The following HIRA variants were observed in gnomAD, a reference collection of about 807,000 sequenced individuals.
HIRA encodes the protein histone cell cycle regulator, also known as protein HIRA.
HIRA carries 13 observed loss-of-function variants against 126.6 expected under a neutral mutation model. That is an observed-to-expected ratio of 0.10 (90% CI 0.07 to 0.16). HIRA has a LOEUF of 0.16. Among genes scored for constraint, HIRA ranks in the 10% least tolerant of loss-of-function variants. HIRA has a pLI of 1.00. For missense variants in HIRA, 834 were observed against 1,314.4 expected (o/e 0.63, Z 5.65); for synonymous variants, 511 against 520.0 (o/e 0.98, Z 0.24).
At chr22:19,395,827 T>C (rs1476969124) in intron 7 of HIRA, among the ~76,000 whole-genome samples, 2 of 152,200 alleles carry the variant, frequency 1.3e-5, no homozygotes, top group Non-Finnish European at 2.9e-5. Flanking sequence ...TATTTCCCTG[T>C]GCCCAGTTAT....
intron 24 of HIRA, among the ~76,000 whole-genome samples, chr22:19,332,821 A>T (rs2088507558): frequency 6.6e-6 from 1 of 151,752 alleles, no homozygotes; most frequent in Admixed American, 6.6e-5. Flanking sequence ...AGAAAAAAAC[A>T]TTTTTTTTAA....
intron 9 of HIRA, among the ~76,000 whole-genome samples, chr22:19,390,438 C>G (rs1490454323): frequency 2.0e-5 from 3 of 151,186 alleles, no homozygotes; most frequent in East Asian, 1.9e-4. Flanking sequence ...ACTAAAATTA[C>G]AAAAAAATTA....
intron 13 of HIRA, among the ~76,000 whole-genome samples, chr22:19,380,888 T>G (rs1436303586): frequency 1.3e-5 from 2 of 152,214 alleles, no homozygotes; most frequent in African/African-American, 4.8e-5. Flanking sequence ...CCTCCCAAAG[T>G]GCTGAGATTA....
chr22:19,422,203 T>C (rs1286689648), intron 1 of HIRA, among the ~76,000 whole-genome samples: 136 of 55,908 alleles, frequency 2.4e-3, no homozygotes, highest in South Asian at 0.015. Context: ...CATACACATA[T>C]ATATATATAC....
chr22:19,375,676 G>A lies in HIRA; in HGVS notation c.1730C>T (p.Pro577Leu). Residue 577 changes from proline to leucine, a missense_variant, in exon 15 of 25, where the codon CCA (proline) becomes CTA (leucine). By Grantham distance (98) the Pro-to-Leu change is moderately conservative (BLOSUM62 -3). This residue lies in a region of HIRA where 468 missense variants were observed against 574.2 expected (regional missense o/e 0.82). Transcript: ENST00000263208. ...SRFTERSKAT[P>L]GAPALTSMTP... Reference sequence around the variant, plus strand: ...CATGCTGGTCAGGGCAGGAGCACCTGGTGTGGCTTTGGACCGCTCTGTGAA... The same window carrying A: ...CATGCTGGTCAGGGCAGGAGCACCTAGTGTGGCTTTGGACCGCTCTGTGAA... 3 of 1,614,182 alleles carry A rather than the reference G, an allele frequency of 1.9e-6. No homozygotes were observed. Among genetic ancestry groups the A allele is most frequent in the Non-Finnish European group, 8.5e-7 (1 of 1,180,038 alleles).
intron 17 of HIRA, 43 bp downstream of exon 17, chr22:19,361,194 C>T: frequency 7.1e-7 from 1 of 1,411,544 alleles, no homozygotes; most frequent in South Asian, 1.2e-5. Context: ...CAGAGAATGT[C>T]TGGGTGTGCC....
At position 19,351,155 on chromosome 22, in the gene HIRA, G is replaced by A; in HGVS notation, c.2937+203C>T. 1.0e-6 allele frequency: 1 copy of A among 985,370 alleles called. No homozygotes were observed. Among genetic ancestry groups the A allele is most frequent in the Non-Finnish European group, 1.2e-6 (1 of 829,896 alleles). The allele number at this position is 985,370 out of a possible 1,614,324, so 61.0% of individuals were successfully genotyped here. Reference sequence around the variant, plus strand: ...ACAGGCACGTGGCGGAGCACTCCGTGGCTCCTGATGTCCAGGGCCCAGCTC... The same window carrying A: ...ACAGGCACGTGGCGGAGCACTCCGTAGCTCCTGATGTCCAGGGCCCAGCTC... On this transcript the variant is annotated intron_variant, in intron 24 of 24. Transcript: ENST00000263208. The surrounding 1 kb of genome is among the most constrained non-coding windows in gnomAD (Gnocchi z 4.8).
At chr22:19,370,269 G>C (rs2088953099) in intron 15 of HIRA, among the ~76,000 whole-genome samples, 1 of 151,878 alleles carries the variant, frequency 6.6e-6, no homozygotes, top group South Asian at 2.1e-4. Context: ...CTTGTTTTGA[G>C]ACAGGGTCTC....
At chr22:19,422,357 T>C (rs1266618593) in intron 1 of HIRA, among the ~76,000 whole-genome samples, 4 of 152,038 alleles carry the variant, frequency 2.6e-5, no homozygotes, top group Non-Finnish European at 5.9e-5. Flanking sequence ...CATCTCTTGC[T>C]TGGATTACTA....
chr22:19,355,856 A>G lies in HIRA; in HGVS notation c.2465T>C (p.Met822Thr), dbSNP rs1556012362. The G allele has an allele frequency of 6.2e-7, 1 of 1,611,014 alleles. No individual in the cohort carries two copies. Among genetic ancestry groups the G allele is most frequent in the Admixed American group, 1.7e-5 (1 of 59,990 alleles). The change falls in exon 21 of 25, where the codon ATG becomes ACG. Residue 822 changes from methionine (M) to threonine (T), a missense_variant. Met to Thr is a moderately conservative substitution (Grantham distance 81). Coordinates refer to ENST00000263208, the MANE Select transcript of HIRA (RefSeq NM_003325.4). ...SLHSILAGSDMTVSQILLTQH... is the reference protein window; with the variant it reads ...SLHSILAGSDTTVSQILLTQH... ...CGTCAGCAAGATCTGTGATACCGTC[A>G]TATCACTTCCTGAGGACAGCATGGG...
intron 1 of HIRA, among the ~76,000 whole-genome samples, chr22:19,431,087 C>T (rs2089533184): frequency 6.6e-6 from 1 of 152,212 alleles, no homozygotes; most frequent in Non-Finnish European, 1.5e-5. Flanking sequence ...ACCTTCAGGA[C>T]CGTCTGAGCA....
At chr22:19,364,123 A>C (rs1400146349) in intron 15 of HIRA, among the ~76,000 whole-genome samples, 1 of 151,892 alleles carries the variant, frequency 6.6e-6, no homozygotes, top group Non-Finnish European at 1.5e-5. Context: ...TGTTCAATTT[A>C]GCTGTGAACC....
At chr22:19,332,804 G>A (rs2088507052) in intron 24 of HIRA, among the ~76,000 whole-genome samples, 3 of 149,476 alleles carry the variant, frequency 2.0e-5, no homozygotes, top group East Asian at 2.0e-4. Context: ...AAGAAAAAAA[G>A]GACATGAGAA....
intron 1 of HIRA, 27 bp from the exon 2 acceptor site, chr22:19,410,805 T>C: frequency 1.3e-6 from 2 of 1,590,908 alleles, no homozygotes; most frequent in Non-Finnish European, 1.7e-6. Context: ...AAAAATACAG[T>C]ATCTAAATTG....
chr22:19,424,965 A>C (rs771925287), intron 1 of HIRA, among the ~76,000 whole-genome samples: 5 of 152,130 alleles, frequency 3.3e-5, no homozygotes, highest in Non-Finnish European at 7.4e-5. Context: ...AGACCTAGTA[A>C]AGTCCAGCAG....
intron 5 of HIRA, among the ~76,000 whole-genome samples, chr22:19,400,134 T>G (rs1228425667): frequency 6.6e-6 from 1 of 152,242 alleles, no homozygotes. Flanking sequence ...CTCTACTTTT[T>G]TATACTGTAG....
chr22:19,411,189 G>A (rs573646243), intron 1 of HIRA, among the ~76,000 whole-genome samples: 14 of 152,352 alleles, frequency 9.2e-5, no homozygotes, highest in Admixed American at 7.8e-4. Context: ...CAACCAAGGA[G>A]CATTGCTTCG....
chr22:19,413,276 G>C (rs1258044116), intron 1 of HIRA, among the ~76,000 whole-genome samples: 2 of 152,158 alleles, frequency 1.3e-5, no homozygotes, highest in Non-Finnish European at 2.9e-5. Context: ...GGGCCTCAAG[G>C]CTCCAGGGGA....
intron 11 of HIRA, among the ~76,000 whole-genome samples, chr22:19,386,895 C>A (rs981750564): frequency 2.0e-5 from 3 of 152,330 alleles, no homozygotes; most frequent in East Asian, 3.9e-4. Flanking sequence ...ACCTCTCCCC[C>A]AAAGGGGTTC....
Sources: gnomAD v4.1 joint callset for allele counts (sites outside exome capture counted in the v4.1 genomes callset) on GRCh38, gnomAD v4.1.1 for gene constraint, gnomAD v4.1.1 regional missense constraint, Gnocchi (gnomAD v3.1) non-coding constraint, MANE v1.5 for transcripts, NCBI Gene and HGNC (gene_info 2026-07-23, HGNC 2026-07-21) for gene names.